Variants in ACP3 observed in about 807,000 individuals in gnomAD.
The protein encoded by ACP3 is acid phosphatase 3, also known as prostatic acid phosphatase.
A neutral mutation model predicts 45.6 loss-of-function variants in ACP3; 38 were observed. The ratio of observed to expected loss-of-function variants is 0.83; its 90% CI spans 0.64 to 1.09. ACP3 has a LOEUF of 1.09. ACP3 is among the 50% of genes least tolerant of loss of function. The pLI is 0.00. For synonymous variants in ACP3, 162 were observed against 164.7 expected, an observed-to-expected ratio of 0.98 and a Z score of 0.13; for missense variants, 466 against 463.2, an observed-to-expected ratio of 1.01 and a Z score of -0.05.
At chr3:132,349,204 A>G (rs1453487213) in intron 7 of ACP3, among the ~76,000 whole-genome samples, 1 of 152,182 alleles carries the variant, frequency 6.6e-6, no homozygotes, top group East Asian at 1.9e-4. Context: ...TAAGCTCTAT[A>G]TCTGTCTTTC....
At chr3:132,349,747 G>T (rs75187934) in intron 7 of ACP3, among the ~76,000 whole-genome samples, 173 bp from the exon 8 acceptor site, 1 of 151,762 alleles carries the variant, frequency 6.6e-6, no homozygotes, top group African/African-American at 2.4e-5. Context: ...AAAAAAAAAA[G>T]TATGTAAATC....
chr3:132,347,673 A>C (rs2107810873), intron 7 of ACP3, among the ~76,000 whole-genome samples: 1 of 151,974 alleles, frequency 6.6e-6, no homozygotes, highest in South Asian at 2.1e-4. Flanking sequence ...TTGCAAAGAC[A>C]GGGTCTCCTT....
At chr3:132,319,206 A>C (rs1172091752) in intron 1 of ACP3, among the ~76,000 whole-genome samples, 1 of 152,228 alleles carries the variant, frequency 6.6e-6, no homozygotes, top group African/African-American at 2.4e-5. Context: ...CTAAGTACTT[A>C]AGCCAATAAA....
intron 7 of ACP3, among the ~76,000 whole-genome samples, chr3:132,346,183 C>T (rs1263296462): frequency 6.6e-6 from 1 of 152,102 alleles, no homozygotes; most frequent in East Asian, 1.9e-4. Flanking sequence ...ACTGAGGCTA[C>T]TTAACTAGGG....
At position 132,349,988 on chromosome 3, in the gene ACP3, A is replaced by G. The variant is rs771914210; in HGVS notation, c.850A>G (p.Ile284Val). ...ATQIPSYKKLIMYSAHDTTVS... is the reference protein window; with the variant it reads ...ATQIPSYKKLVMYSAHDTTVS... ...TCAGATACCAAGCTACAAAAAACTC[A>G]TCATGTATTCTGCGGTAAGTATTTT... is the stretch of plus-strand genomic sequence containing the variant. The change falls in exon 8 of 10, where the codon ATC becomes GTC. Residue 284 changes from isoleucine (I) to valine (V), a missense_variant. Ile to Val is a conservative substitution (Grantham distance 29). Transcript: ENST00000336375. The G allele has an allele frequency of 6.2e-7, 1 of 1,602,452 alleles. No individual in the cohort carries two copies.
downstream of ACP3, among the ~76,000 whole-genome samples, chr3:132,359,090 G>A (rs1262729909): frequency 1.3e-5 from 2 of 152,224 alleles, no homozygotes; most frequent in African/African-American, 4.8e-5. Flanking sequence ...TGTACAACAT[G>A]GAAAAACCAG....
chr3:132,320,458 G>A (rs1937186104), intron 1 of ACP3, among the ~76,000 whole-genome samples: 1 of 152,128 alleles, frequency 6.6e-6, no homozygotes, highest in African/African-American at 2.4e-5. Flanking sequence ...ATAGAAAAAT[G>A]TCATTTTAAA....
chr3:132,340,439 G>A (rs1017109625), intron 5 of ACP3, among the ~76,000 whole-genome samples: 8 of 151,818 alleles, frequency 5.3e-5, no homozygotes, highest in Non-Finnish European at 1.0e-4. Flanking sequence ...CTGTATCAAT[G>A]TATTCTTATA....
chr3:132,336,428 C>T (rs901334371), intron 4 of ACP3, among the ~76,000 whole-genome samples: 11 of 151,898 alleles, frequency 7.2e-5, no homozygotes, highest in Admixed American at 1.3e-4. Context: ...TAAAAAAAAG[C>T]GGTCTATTTT....
In ACP3 at chr3:132,352,748, T is replaced by A. The variant is rs374647661; in HGVS notation, c.893T>A (p.Met298Lys). 1 of 1,613,828 alleles carries A rather than the reference T, an allele frequency of 6.2e-7. No homozygotes were observed. The highest frequency in any genetic ancestry group is 8.5e-7 in the Non-Finnish European group (1 of 1,179,698). ...GACACTACTGTGAGTGGCCTACAGATGGCGCTAGATGTTTACAACGGACTC... is the reference window on the plus strand; with the variant it reads ...GACACTACTGTGAGTGGCCTACAGAAGGCGCTAGATGTTTACAACGGACTC... Reference protein sequence around the residue: ...AHDTTVSGLQMALDVYNGLLP... With the variant: ...AHDTTVSGLQKALDVYNGLLP... Residue 298 changes from methionine (M) to lysine (K), a missense_variant, in exon 9 of 10, where the codon ATG becomes AAG. By Grantham distance (95) the Met-to-Lys change is moderately conservative (BLOSUM62 -1). Transcript: ENST00000336375.
intron 1 of ACP3, among the ~76,000 whole-genome samples, chr3:132,324,870 T>G (rs965040206): frequency 6.6e-6 from 1 of 152,174 alleles, no homozygotes; most frequent in Non-Finnish European, 1.5e-5. Flanking sequence ...CTTGATCTCC[T>G]GACCTCATGA....
intron 10 of ACP3, among the ~76,000 whole-genome samples, chr3:132,366,003 A>C (rs1385805330): frequency 1.3e-5 from 2 of 151,452 alleles, no homozygotes; most frequent in Non-Finnish European, 2.9e-5. Context: ...AAAAAAAAAA[A>C]GGATTGTGGC....
chr3:132,337,133 A>T (rs1416631327), intron 4 of ACP3, among the ~76,000 whole-genome samples: 1 of 151,370 alleles, frequency 6.6e-6, no homozygotes, highest in East Asian at 1.9e-4. Flanking sequence ...AATGAAAGTG[A>T]TTGGGAAGGA....
intron 5 of ACP3, among the ~76,000 whole-genome samples, chr3:132,339,403 C>G (rs1380431762): frequency 6.6e-6 from 1 of 152,218 alleles, no homozygotes; most frequent in Non-Finnish European, 1.5e-5. Flanking sequence ...AGTTTTGACA[C>G]CATCTATTTG....
At position 132,357,724 on chromosome 3, in the gene ACP3, A is replaced by G; in HGVS notation, c.*846A>G. 1.0e-6 allele frequency: 1 copy of G among 985,370 alleles called. No individual in the cohort carries two copies. The highest frequency in any genetic ancestry group is 1.2e-6 in the Non-Finnish European group (1 of 829,914). The allele number at this position is 985,370 out of a possible 1,614,324, so 61.0% of individuals were successfully genotyped here. ...AGTTTCTCTAGAAGCTCCAGTGATA[A>G]GAGATGTTGACTCTAAAGTTGATTT... On this transcript the variant is annotated 3_prime_UTR_variant, in exon 10 of 10. Coordinates refer to ENST00000336375, the MANE Select transcript of ACP3 (RefSeq NM_001099.5).
chr3:132,358,414 C>T lies in ACP3; in HGVS notation c.*1536C>T, dbSNP rs1937966631. 2.4e-6 allele frequency: 3 copies of T among 1,264,762 alleles called. No homozygotes were observed. The highest frequency in any genetic ancestry group is 1.5e-5 in the African/African-American group (1 of 65,548). The allele number at this position is 1,264,762 out of a possible 1,614,324, so 78.3% of individuals were successfully genotyped here. On this transcript the variant is annotated 3_prime_UTR_variant, in exon 10 of 10. Transcript: ENST00000336375. ...TCTTCAGAAAACCTAAGCAAACTTA[C>T]AGGTCCTGCTGAAACTGCCCACTCT...
intron 2 of ACP3, among the ~76,000 whole-genome samples, chr3:132,329,949 A>C: frequency 7.9e-6 from 1 of 125,832 alleles, no homozygotes; most frequent in Admixed American, 9.8e-5. Flanking sequence ...ATGGAGTCTC[A>C]CTCTGTCCCC....
chr3:132,358,935 T>G (rs1294559803), downstream of ACP3: 1 of 940,068 alleles, frequency 1.1e-6, no homozygotes, highest in Non-Finnish European at 1.3e-6. Flanking sequence ...ATGAACATTT[T>G]ACATTGAAAA....
At chr3:132,329,478 C>G (rs1937360873) in intron 2 of ACP3, among the ~76,000 whole-genome samples, 1 of 152,180 alleles carries the variant, frequency 6.6e-6, no homozygotes, top group African/African-American at 2.4e-5. Flanking sequence ...CTATTTGAGA[C>G]CAGCATCTTC....
Sources: gnomAD v4.1 joint callset for allele counts (sites outside exome capture counted in the v4.1 genomes callset) on GRCh38, gnomAD v4.1.1 for gene constraint, MANE v1.5 for transcripts, NCBI Gene and HGNC (gene_info 2026-07-23, HGNC 2026-07-21) for gene names.